IGF2R: variants seen among roughly 807,000 people sequenced by gnomAD.
The protein encoded by IGF2R is insulin like growth factor 2 receptor, also known as cation-independent mannose-6-phosphate receptor.
A neutral mutation model predicts 270.6 loss-of-function variants in IGF2R; 91 were observed. The observed-to-expected ratio is 0.34, with a 90% CI of 0.28 to 0.40. IGF2R has a LOEUF of 0.40. Among genes scored for constraint, IGF2R ranks in the 10% least tolerant of loss-of-function variants. The pLI is 1.00. For synonymous variants in IGF2R, 1,316 were observed against 1,258.9 expected (o/e 1.05, Z -0.96); for missense variants, 2,805 against 3,188.3 (o/e 0.88, Z 2.90).
intron 5 of IGF2R, among the ~76,000 whole-genome samples, chr6:160,025,230 G>A (rs1777533829): frequency 6.6e-6 from 1 of 152,140 alleles, no homozygotes; most frequent in South Asian, 2.1e-4. Flanking sequence ...TATCTAAAAA[G>A]GGCCATGAAA....
chr6:160,064,338 A>G lies in IGF2R; in HGVS notation c.3887-63A>G, dbSNP rs8191858. The G allele has an allele frequency of 3.7e-4, 593 of 1,599,056 alleles. No individual in the cohort carries two copies. In the African/African-American group the frequency reaches 7.1e-3, roughly 19 times the overall value. ...CAGGGTGTGTGGTGTCACATGTCTT[A>G]GGCTAAGTTTGACAGCCTAGGGACC... On this transcript the variant is annotated intron_variant, in intron 27 of 47. Coordinates refer to ENST00000356956, the MANE Select transcript of IGF2R (RefSeq NM_000876.4).
Position 160,076,071 on chromosome 6 carries a change from G to A in IGF2R, c.5316+75G>A, listed in dbSNP as rs576123115. 88 of 1,399,156 alleles carry A rather than the reference G, an allele frequency of 6.3e-5. 1 individual carries two copies. In the Admixed American group the frequency reaches 1.4e-3, roughly 22 times the overall value. The allele number at this position is 1,399,156 out of a possible 1,614,324, so 86.7% of individuals were successfully genotyped here. A position where few individuals can be genotyped will look rare whatever the true frequency, so the allele number is the denominator to read the frequency against. On this transcript the variant is annotated intron_variant, in intron 36 of 47. Transcript: ENST00000356956. The stretch of plus-strand genomic sequence containing the variant: ...CCAAGGCTAGACAACCAGAAAGTGC[G>A]TGTCAGGTCCAAGGATACTCTTATT...
At chr6:160,088,448 G>A (rs983833627) in intron 42 of IGF2R, among the ~76,000 whole-genome samples, 2 of 152,236 alleles carry the variant, frequency 1.3e-5, no homozygotes, top group Non-Finnish European at 2.9e-5. Context: ...AAACAAAGGG[G>A]CGTGGATTTG....
intron 4 of IGF2R, among the ~76,000 whole-genome samples, chr6:160,020,875 G>A (rs540023533): frequency 1.3e-5 from 2 of 152,236 alleles, no homozygotes; most frequent in East Asian, 3.9e-4. Flanking sequence ...AAGCTCTCTC[G>A]GATCTTCGCC....
intron 25 of IGF2R, 148 bp downstream of exon 25, chr6:160,062,076 C>A (rs1778451990): frequency 1.4e-6 from 1 of 696,430 alleles, no homozygotes; most frequent in Non-Finnish European, 2.4e-6. Context: ...AGAATGCACT[C>A]ATTTCTTCAG....
intron 2 of IGF2R, among the ~76,000 whole-genome samples, chr6:160,001,750 A>T (rs1002296075): frequency 2.0e-5 from 3 of 152,260 alleles, no homozygotes; most frequent in Non-Finnish European, 4.4e-5. Flanking sequence ...TCCTTAGGCA[A>T]ACAATATTAC....
At chr6:160,075,652 C>T (rs1778840739) in intron 35 of IGF2R, among the ~76,000 whole-genome samples, 195 bp from the exon 36 acceptor site, 1 of 152,122 alleles carries the variant, frequency 6.6e-6, no homozygotes, top group South Asian at 2.1e-4. Context: ...AAACGATAAC[C>T]ACTGACATAC....
chr6:160,021,713 A>G (rs1340515663), intron 4 of IGF2R, among the ~76,000 whole-genome samples: 3 of 152,180 alleles, frequency 2.0e-5, no homozygotes, highest in African/African-American at 7.2e-5. Flanking sequence ...GGCAATTATT[A>G]AAAAGTCAAA....
At chr6:159,979,274 CCAACACTCCCT>C (rs1369746354) in intron 1 of IGF2R, among the ~76,000 whole-genome samples, 1 of 152,138 alleles carries the variant, frequency 6.6e-6, no homozygotes, top group Admixed American at 6.5e-5. Flanking sequence ...AAAAACTCCC[CCAACACTCCCT>C]GCGCCCCACC....
chr6:160,000,351 C>T lies in IGF2R; in HGVS notation c.290-8659C>T, dbSNP rs373546794. On this transcript the variant is annotated intron_variant, in intron 2 of 47. Transcript: ENST00000356956. The stretch of plus-strand genomic sequence containing the variant: ...ACATGGTGACAGGAGAGGAGTGGGG[C>T]GGTGCTACACACTTTCAAACAAGCA... 2.8e-4 allele frequency among the ~76,000 whole-genome samples: 42 copies of T among 152,128 alleles called. 3 individuals carry two copies. The South Asian group carries it at 8.7e-3, about 32-fold the overall frequency.
In IGF2R at chr6:160,108,188, T is replaced by C. The variant is rs901827243; in HGVS notation, c.*3104T>C. On this transcript the variant is annotated 3_prime_UTR_variant, in exon 48 of 48. Transcript: ENST00000356956. ...TTCTTACTTCTCCGGTTCCACTCTGTTGACTAGTAGTTGGCCTCTTGAGCC... is the reference window on the plus strand; with the variant it reads ...TTCTTACTTCTCCGGTTCCACTCTGCTGACTAGTAGTTGGCCTCTTGAGCC... The C allele has an allele frequency of 6.6e-6, 1 of 152,330 alleles. No individual in the cohort carries two copies. The highest frequency in any genetic ancestry group is 2.4e-5 in the African/African-American group (1 of 41,470). 9.4% of individuals were successfully genotyped at this position (152,330 alleles called of 1,614,324 possible).
intron 2 of IGF2R, among the ~76,000 whole-genome samples, chr6:159,992,887 G>T (rs1784000609): frequency 6.6e-6 from 1 of 152,128 alleles, no homozygotes; most frequent in South Asian, 2.1e-4. Flanking sequence ...GTGTATGTAA[G>T]CATTCCCGTT....
chr6:160,033,056 G>C lies in IGF2R; in HGVS notation c.1160G>C (p.Ser387Thr), dbSNP rs1246696171. The C allele has an allele frequency of 6.2e-7, 1 of 1,613,526 alleles. No individual in the cohort carries two copies. Among genetic ancestry groups the C allele is most frequent in the East Asian group, 2.2e-5 (1 of 44,884 alleles). ...GCTGCAGTTTGCCAAGTGAAAAAGA[G>C]CGATACCTCTCAAGTCAAAGCAGCA... ...KQAAVCQVKK[S>T]DTSQVKAAGR... The change falls in exon 9 of 48, where the codon AGC becomes ACC. Residue 387 changes from serine (S) to threonine (T), a missense_variant. By Grantham distance (58) the Ser-to-Thr change is moderately conservative (BLOSUM62 1). Around this residue, in one of 2 missense-constraint regions of IGF2R, gnomAD observed 954 missense variants for 981.1 expected, o/e 0.97. Transcript: ENST00000356956.
intron 2 of IGF2R, chr6:160,005,981 C>A: frequency 6.2e-6 from 1 of 161,672 alleles, no homozygotes; most frequent in South Asian, 1.3e-4. Flanking sequence ...GCCGCCTCGC[C>A]GCGCCCCTCG....
chr6:160,074,213 G>T (rs73023690), intron 35 of IGF2R, among the ~76,000 whole-genome samples: 21,556 of 152,246 alleles, frequency 0.14, 1,701 homozygotes, highest in Middle Eastern at 0.19. Context: ...GAATATGTGT[G>T]TAGGGACTCT....
rs776504603 is a variant in IGF2R, at chr6:160,089,257, A to T, written c.6467+4A>T. 8 of 1,603,314 alleles carry T rather than the reference A, an allele frequency of 5.0e-6. No homozygotes were observed. The highest frequency in any genetic ancestry group is 6.8e-6 in the Non-Finnish European group (8 of 1,172,778). On this transcript the variant is annotated splice_donor_region_variant and intron_variant, in intron 43 of 47. Transcript: ENST00000356956. ...GCCTCGGAGATATTTATTTTAAGTAAGTAAAACGTTTTCCTTCTGAGCTGT... is the reference window on the plus strand; with the variant it reads ...GCCTCGGAGATATTTATTTTAAGTATGTAAAACGTTTTCCTTCTGAGCTGT...
intron 8 of IGF2R, 90 bp from the exon 9 acceptor site, chr6:160,032,852 T>C: frequency 2.2e-6 from 3 of 1,392,876 alleles, no homozygotes; most frequent in African/African-American, 1.4e-5. Flanking sequence ...GTTTCAGAAA[T>C]AGGATTCAGG....
chr6:160,050,554 CTTCTGGAAT>C lies in IGF2R; in HGVS notation c.2597_2605del (p.Leu866_Tyr869delinsHis). Reference sequence around the variant, plus strand: ...GGTGGTTGAGGACAGCGGCAGCCTCCTTCTGGAATACGTGAATGGGTCGGCCTGCACCAC... The same window carrying C: ...GGTGGTTGAGGACAGCGGCAGCCTCCACGTGAATGGGTCGGCCTGCACCAC... On this transcript the variant is annotated inframe_deletion, in exon 19 of 48. Coordinates refer to ENST00000356956, the MANE Select transcript of IGF2R (RefSeq NM_000876.4). This position sits in a 1 kb window ranked among gnomAD's most constrained non-coding sequence, Gnocchi z 4.0. 6.2e-7 allele frequency: 1 copy of C among 1,614,142 alleles called. No individual in the cohort carries two copies. The highest frequency in any genetic ancestry group is 8.5e-7 in the Non-Finnish European group (1 of 1,180,004).
intron 4 of IGF2R, among the ~76,000 whole-genome samples, chr6:160,011,475 A>G (rs1784332382): frequency 6.6e-6 from 1 of 151,390 alleles, no homozygotes; most frequent in Non-Finnish European, 1.5e-5. Context: ...TATGTGCAAC[A>G]TGATATTTTG....
Sources: allele counts gnomAD v4.1 joint callset (sites outside exome capture counted in the v4.1 genomes callset), GRCh38; gene constraint gnomAD v4.1.1; regional missense constraint gnomAD v4.1.1; non-coding constraint Gnocchi (gnomAD v3.1); transcripts MANE v1.5; gene names NCBI Gene and HGNC (gene_info 2026-07-23, HGNC 2026-07-21).